The following OTUD7B variants were observed in gnomAD, a reference collection of about 807,000 sequenced individuals.
OTUD7B encodes the protein OTU deubiquitinase 7B, also known as OTU domain-containing protein 7B.
Under a neutral mutation model 82.2 loss-of-function variants are expected in OTUD7B, and 34 were observed. The ratio of observed to expected loss-of-function variants is 0.41; its 90% confidence interval spans 0.31 to 0.55. The LOEUF is 0.55. Among genes scored for constraint, OTUD7B ranks in the 20% least tolerant of loss-of-function variants. OTUD7B has a pLI of 0.20. For synonymous variants in OTUD7B, 398 were observed against 402.7 expected (o/e 0.99, Z 0.14); for missense variants, 944 against 1,062.1 (o/e 0.89, Z 1.55).
At chr1:150,014,472 C>T (rs1005779668), upstream of OTUD7B, among the ~76,000 whole-genome samples, 5 of 149,690 alleles carry the variant, frequency 3.3e-5, no homozygotes. Context: ...CCTAGTAATT[C>T]CACTCCCTAG....
Position 149,970,982 on chromosome 1 carries a change from G to A in OTUD7B, c.274+81C>T, listed in dbSNP as rs114515861. 11,550 of 1,276,220 alleles carry A rather than the reference G, an allele frequency of 9.1e-3. 69 individuals carry two copies. Among genetic ancestry groups the A allele is most frequent in the Non-Finnish European group, 0.011 (10,656 of 936,414 alleles). The allele number at this position is 1,276,220 out of a possible 1,614,324, so 79.1% of individuals were successfully genotyped here. A position where few individuals can be genotyped will look rare whatever the true frequency, so the allele number is the denominator to read the frequency against. On this transcript the variant is annotated intron_variant, in intron 3 of 11. Transcript: ENST00000581312. ...GGAAGAAATGGAATCACCTCCAATG[G>A]ATCACTAGACTTTATGACTCCATTT... is the stretch of plus-strand genomic sequence containing the variant.
intron 2 of OTUD7B, 137 bp downstream of exon 2, chr1:149,977,289 A>C (rs927454880): frequency 1.3e-5 from 8 of 629,344 alleles, no homozygotes; most frequent in Admixed American, 2.5e-5. Flanking sequence ...TTATACACAA[A>C]GTATATCATT....
At chr1:150,047,353 G>A in the OTUD7B span, among the ~76,000 whole-genome samples, 15 of 152,138 alleles carry the variant, frequency 9.9e-5, no homozygotes, top group African/African-American at 3.1e-4. Flanking sequence ...CAAACCTTAT[G>A]CATCTCAACA....
intron 1 of OTUD7B, among the ~76,000 whole-genome samples, chr1:149,979,195 A>G (rs1334291760): frequency 1.3e-5 from 2 of 152,174 alleles, no homozygotes; most frequent in Admixed American, 6.5e-5. Context: ...AAATGATTCA[A>G]TGACTAAGCC....
chr1:149,949,740 A>G lies in OTUD7B; in HGVS notation c.1012T>C (p.Leu338=). 1 of 1,614,184 alleles carries G rather than the reference A, an allele frequency of 6.2e-7. No homozygotes were observed. The highest frequency in any genetic ancestry group is 8.5e-7 in the Non-Finnish European group (1 of 1,180,030). Residue 338 remains leucine, a synonymous_variant, in exon 9 of 12, where the codon TTG becomes CTG. Coordinates refer to ENST00000581312, the MANE Select transcript of OTUD7B (RefSeq NM_020205.4). ...TGACACTGGCTGGCTGGGACCTCCA[A>G]AGGCAGATAGATTCCTCCAAAGGGA... The part of the protein sequence containing the change: ...PIPFGGIYLP[L]EVPASQCHRS...
Position 149,940,303 on chromosome 1 carries a change from C to G in OTUD7B, c.*3554G>C, listed in dbSNP as rs929305807. ...CACTGAGTTTAACACCATCTCCACTCCTTAAAAAGACTGAATCTTTAAAAA... is the reference window on the plus strand; with the variant it reads ...CACTGAGTTTAACACCATCTCCACTGCTTAAAAAGACTGAATCTTTAAAAA... On this transcript the variant is annotated 3_prime_UTR_variant, in exon 12 of 12. Coordinates refer to ENST00000581312, the MANE Select transcript of OTUD7B (RefSeq NM_020205.4). 6.6e-6 allele frequency: 1 copy of G among 151,750 alleles called. No homozygotes were observed. The highest frequency in any genetic ancestry group is 2.4e-5 in the African/African-American group (1 of 41,344). The allele number at this position is 151,750 out of a possible 1,614,324, so 9.4% of individuals were successfully genotyped here.
chr1:149,970,177 C>A (rs1553777339), intron 3 of OTUD7B, among the ~76,000 whole-genome samples: 1 of 150,104 alleles, frequency 6.7e-6, no homozygotes, highest in African/African-American at 2.5e-5. Context: ...CACCTGTAAT[C>A]CCAGCACTTT....
upstream of OTUD7B, among the ~76,000 whole-genome samples, chr1:150,015,450 C>T (rs1653240320): frequency 1.3e-5 from 2 of 151,606 alleles, no homozygotes; most frequent in African/African-American, 2.4e-5. Flanking sequence ...CGTGACACCA[C>T]GCGTGGCTAA....
intron 7 of OTUD7B, among the ~76,000 whole-genome samples, chr1:149,950,675 C>T (rs1553773178): frequency 6.6e-6 from 1 of 152,146 alleles, no homozygotes; most frequent in East Asian, 1.9e-4. Flanking sequence ...GAAAGAACAG[C>T]TTCACCATCT....
Position 149,988,825 on chromosome 1 carries a change from G to A in OTUD7B, c.-66-11249C>T, listed in dbSNP as rs184477662. 2.1e-3 allele frequency among the ~76,000 whole-genome samples: 320 copies of A among 151,996 alleles called. 2 individuals are homozygous for A. Among genetic ancestry groups the A allele is most frequent in the Admixed American group, 8.2e-3 (124 of 15,138 alleles). On this transcript the variant is annotated intron_variant, in intron 1 of 11. Coordinates refer to ENST00000581312, the MANE Select transcript of OTUD7B (RefSeq NM_020205.4). ...AATTCAACTTTTAAAAGAATAACCT[G>A]CAAAAACAAAAGTTCTACTTGACCT...
intron 7 of OTUD7B, 90 bp from the exon 8 acceptor site, chr1:149,950,311 G>A (rs930987411): frequency 2.0e-5 from 26 of 1,299,048 alleles, no homozygotes; most frequent in Non-Finnish European, 2.6e-5. Context: ...TCTGCAGAAA[G>A]GGAAAAGAAG....
chr1:150,059,586 TC>T, the OTUD7B span, among the ~76,000 whole-genome samples: 3 of 151,662 alleles, frequency 2.0e-5, no homozygotes, highest in Non-Finnish European at 4.4e-5. Context: ...TCAGGCTCGG[TC>T]TTAAACTCCC....
chr1:149,963,846 G>T (rs1208765177), intron 6 of OTUD7B: 1 of 170,398 alleles, frequency 5.9e-6, no homozygotes, highest in Non-Finnish European at 1.3e-5. Context: ...ATTTCTATAG[G>T]GGCTGAAAAC....
At chr1:150,023,029 T>C in the OTUD7B span, among the ~76,000 whole-genome samples, 1 of 152,176 alleles carries the variant, frequency 6.6e-6, no homozygotes, top group Admixed American at 6.5e-5. Context: ...GAAATCCCTC[T>C]CACCTGGTAT....
At chr1:150,013,078 G>C (rs1208492745), upstream of OTUD7B, among the ~76,000 whole-genome samples, 1 of 152,220 alleles carries the variant, frequency 6.6e-6, no homozygotes, top group Non-Finnish European at 1.5e-5. Flanking sequence ...ATTGGCAGCA[G>C]CCAGAACACA....
At chr1:149,956,112 T>G (rs1415110083) in intron 7 of OTUD7B, among the ~76,000 whole-genome samples, 1 of 152,242 alleles carries the variant, frequency 6.6e-6, no homozygotes, top group African/African-American at 2.4e-5. Flanking sequence ...CGTTAGTTGA[T>G]GCAGTTTCTT....
intron 7 of OTUD7B, among the ~76,000 whole-genome samples, chr1:149,957,627 G>T (rs1001768861): frequency 3.0e-4 from 46 of 152,176 alleles, no homozygotes; most frequent in African/African-American, 1.1e-3. Flanking sequence ...ATGCCCTGCC[G>T]CCAGAGGTGG....
chr1:149,983,479 T>C (rs1650929785), intron 1 of OTUD7B, among the ~76,000 whole-genome samples: 2 of 152,122 alleles, frequency 1.3e-5, no homozygotes, highest in South Asian at 2.1e-4. Flanking sequence ...TTATCTCCTA[T>C]AGGGAGTCAG....
intron 9 of OTUD7B, 33 bp downstream of exon 9, chr1:149,949,596 A>G: frequency 6.2e-7 from 1 of 1,601,544 alleles, no homozygotes; most frequent in Non-Finnish European, 8.5e-7. Context: ...TCAAGTGAAA[A>G]TAATGCAGAC....
Sources: gnomAD v4.1 joint callset for allele counts (sites outside exome capture counted in the v4.1 genomes callset) on GRCh38, gnomAD v4.1.1 for gene constraint, MANE v1.5 for transcripts, NCBI Gene and HGNC (gene_info 2026-07-23, HGNC 2026-07-21) for gene names.